Variants in SGCZ observed in about 807,000 individuals in gnomAD.
The protein encoded by SGCZ is zeta-sarcoglycan.
Under a neutral mutation model 41.3 loss-of-function variants are expected in SGCZ, and 40 were observed. That is an observed-to-expected ratio of 0.97 (90% CI 0.75 to 1.26). SGCZ has a LOEUF of 1.26. SGCZ is among the 50% of genes most tolerant of loss of function. SGCZ has a pLI of 0.00. For synonymous variants in SGCZ, 206 were observed against 137.5 expected (o/e 1.50, Z -3.49); for missense variants, 552 against 369.8 (o/e 1.49, Z -4.04).
chr8:14,636,525 T>C (rs1406783757), intron 1 of SGCZ, among the ~76,000 whole-genome samples: 1 of 151,926 alleles, frequency 6.6e-6, no homozygotes, highest in Non-Finnish European at 1.5e-5. Flanking sequence ...TAGAAAAATC[T>C]ATCTTGTCAG....
chr8:14,298,581 T>G (rs1215023669), intron 3 of SGCZ, among the ~76,000 whole-genome samples: 1 of 151,990 alleles, frequency 6.6e-6, no homozygotes, highest in Admixed American at 6.6e-5. Flanking sequence ...CTTAATACCA[T>G]TTATTACAAC....
At chr8:15,009,800 T>C (rs1042527114) in intron 1 of SGCZ, among the ~76,000 whole-genome samples, 2 of 152,186 alleles carry the variant, frequency 1.3e-5, no homozygotes, top group African/African-American at 4.8e-5. Context: ...GTATTTCTCA[T>C]ATGGATAAGC....
chr8:14,275,788 G>C (rs185887341), intron 3 of SGCZ, among the ~76,000 whole-genome samples: 1 of 152,240 alleles, frequency 6.6e-6, no homozygotes, highest in Non-Finnish European at 1.5e-5. Flanking sequence ...GCTGGTGGCT[G>C]AAGGCTGGTT....
intron 1 of SGCZ, among the ~76,000 whole-genome samples, chr8:14,693,068 G>C (rs1309514561): frequency 6.6e-6 from 1 of 152,116 alleles, no homozygotes; most frequent in Non-Finnish European, 1.5e-5. Context: ...TTCAGGCACG[G>C]TGAAATGTGT....
intron 4 of SGCZ, among the ~76,000 whole-genome samples, chr8:14,218,875 G>T (rs1443287417): frequency 6.6e-6 from 1 of 152,160 alleles, no homozygotes; most frequent in African/African-American, 2.4e-5. Flanking sequence ...GAGGACTTTG[G>T]AGGCCAGCCA....
At chr8:14,884,404 T>A (rs1274919930) in intron 1 of SGCZ, among the ~76,000 whole-genome samples, 2 of 152,074 alleles carry the variant, frequency 1.3e-5, no homozygotes, top group Admixed American at 1.3e-4. Context: ...CAGTATAAGA[T>A]AAATGAACTA....
At chr8:14,480,179 T>C (rs1801496988) in intron 2 of SGCZ, among the ~76,000 whole-genome samples, 1 of 152,238 alleles carries the variant, frequency 6.6e-6, no homozygotes, top group Non-Finnish European at 1.5e-5. Context: ...AGATGACTAA[T>C]ATAGGTAACT....
At chr8:14,223,546 A>ATTT (rs71946746) in intron 4 of SGCZ, among the ~76,000 whole-genome samples, 9 of 149,026 alleles carry the variant, frequency 6.0e-5, no homozygotes, top group Admixed American at 1.3e-4. Flanking sequence ...ATATATATAT[A>ATTT]TATTTTAACA....
chr8:15,089,118 ATAGTTATATATTATAAATGCCTAATCT>A (rs1344076977), intron 1 of SGCZ, among the ~76,000 whole-genome samples: 3 of 152,148 alleles, frequency 2.0e-5, no homozygotes, highest in Non-Finnish European at 2.9e-5. Context: ...GTTTATGGCC[ATAGTTATATATTATAAATGCCTAATCT>A]TAGAGACAAG....
At chr8:14,585,798 A>G (rs1039295649) in intron 1 of SGCZ, among the ~76,000 whole-genome samples, 4 of 152,206 alleles carry the variant, frequency 2.6e-5, no homozygotes, top group African/African-American at 9.6e-5. Context: ...AAAACAAAGC[A>G]AAAAGTTCAT....
At chr8:15,167,677 G>GT (rs2117055318) in intron 1 of SGCZ, among the ~76,000 whole-genome samples, 1 of 46,932 alleles carries the variant, frequency 2.1e-5, no homozygotes, top group Non-Finnish European at 5.8e-5. Flanking sequence ...AATTTGGGAT[G>GT]TTTAAAAAAA....
intron 1 of SGCZ, among the ~76,000 whole-genome samples, chr8:14,838,985 T>C (rs887232330): frequency 5.9e-5 from 9 of 152,044 alleles, no homozygotes; most frequent in African/African-American, 2.2e-4. Context: ...CTTCAGGTGA[T>C]CTCCTCAGTA....
chr8:14,750,596 T>G lies in SGCZ; in HGVS notation c.40-195670A>C, dbSNP rs371739233. ...AAACATGTAGGTTCCAAGAATGATA[T>G]GGTGTTTTTTTAAAGCCTTTAAAAC... On this transcript the variant is annotated intron_variant, in intron 1 of 7. Transcript: ENST00000382080. Among the ~76,000 whole-genome samples the G allele has an allele frequency of 5.3e-5, 8 of 152,166 alleles. No homozygotes were observed. The East Asian group carries it at 1.5e-3, about 29-fold the overall frequency.
rs750559059 is a variant in SGCZ at position 14,108,149 on chromosome 8, G to A, written c.620+14C>T. 4 of 1,613,536 alleles carry A rather than the reference G, an allele frequency of 2.5e-6. No individual in the cohort carries two copies. The African/African-American group carries it at 4.0e-5, about 16-fold the overall frequency. ...GATGGATTTTATGCCACAGGTATAA[G>A]AGGAAGCCCTTACCTGAGATCTTGG... On this transcript the variant is annotated intron_variant, in intron 6 of 7. Transcript: ENST00000382080.
chr8:14,096,896 G>T (rs562061919), intron 7 of SGCZ, among the ~76,000 whole-genome samples: 28 of 152,222 alleles, frequency 1.8e-4, no homozygotes, highest in African/African-American at 6.0e-4. Context: ...TTGTTTAGAG[G>T]TGTTTATATT....
Position 14,229,632 on chromosome 8 carries a change from T to C in SGCZ, c.424+7960A>G, listed in dbSNP as rs1464492866. On this transcript the variant is annotated intron_variant, in intron 4 of 7. Transcript: ENST00000382080. ...ATTCTTATTAAATTATCCCAGACTA[T>C]TACAACATTCTCTAAGTTAAAAAAA... is the stretch of plus-strand genomic sequence containing the variant. Among the ~76,000 whole-genome samples the C allele has an allele frequency of 2.2e-5, 3 of 139,356 alleles. No homozygotes were observed. In the Admixed American group the frequency reaches 2.3e-4, roughly 11 times the overall value. The allele number at this position is 139,356 out of a possible 152,430, so 91.4% of individuals were successfully genotyped here.
At chr8:14,759,376 G>C (rs1036839137) in intron 1 of SGCZ, among the ~76,000 whole-genome samples, 24 of 151,978 alleles carry the variant, frequency 1.6e-4, no homozygotes, top group Non-Finnish European at 2.5e-4. Flanking sequence ...TTGGTTTGAG[G>C]TTGTTTTCTC....
chr8:14,835,453 T>C (rs1289811799), intron 1 of SGCZ, among the ~76,000 whole-genome samples: 1 of 152,234 alleles, frequency 6.6e-6, no homozygotes, highest in East Asian at 1.9e-4. Context: ...TTTCACTCAC[T>C]TGATACTAAA....
At chr8:14,859,130 T>C (rs757655277) in intron 1 of SGCZ, among the ~76,000 whole-genome samples, 2 of 152,138 alleles carry the variant, frequency 1.3e-5, no homozygotes, top group South Asian at 2.1e-4. Context: ...AAGACAGCCA[T>C]TGTGCTCTGG....
Sources: gnomAD v4.1 joint callset for allele counts (sites outside exome capture counted in the v4.1 genomes callset) on GRCh38, gnomAD v4.1.1 for gene constraint, MANE v1.5 for transcripts, NCBI Gene and HGNC (gene_info 2026-07-23, HGNC 2026-07-21) for gene names.